Variants in CCDC158 observed in about 807,000 individuals in gnomAD.
The protein encoded by CCDC158 is coiled-coil domain-containing protein 158.
A neutral mutation model predicts 138.6 loss-of-function variants in CCDC158; 116 were observed. The observed-to-expected ratio is 0.84, with a 90% CI of 0.72 to 0.98. CCDC158 has a LOEUF of 0.98. CCDC158 is among the 50% of genes least tolerant of loss of function. CCDC158 has a pLI of 0.00. For missense variants in CCDC158, 1,265 were observed against 1,306.1 expected, an observed-to-expected ratio of 0.97 and a Z score of 0.48; for synonymous variants, 436 against 442.4, an observed-to-expected ratio of 0.99 and a Z score of 0.18.
chr4:76,349,316 T>A (rs946837063), intron 18 of CCDC158, among the ~76,000 whole-genome samples: 1 of 152,208 alleles, frequency 6.6e-6, no homozygotes, highest in Non-Finnish European at 1.5e-5. Flanking sequence ...GTATAAAGCA[T>A]GTCTGACAGT....
At chr4:76,369,007 A>AGGTCATGT (rs1276025313) in intron 11 of CCDC158, among the ~76,000 whole-genome samples, 1 of 152,058 alleles carries the variant, frequency 6.6e-6, no homozygotes, top group African/African-American at 2.4e-5. Flanking sequence ...TGAGGTCATG[A>AGGTCATGT]GATCGAGACC....
At chr4:76,421,708 C>A (rs1299117798), upstream of CCDC158, 3 of 135,320 alleles carry the variant, frequency 2.2e-5, no homozygotes. Context: ...TCCTGGCATT[C>A]CCATTTGACC....
intron 18 of CCDC158, among the ~76,000 whole-genome samples, chr4:76,342,939 T>C (rs1722193493): frequency 6.6e-6 from 1 of 152,194 alleles, no homozygotes; most frequent in African/African-American, 2.4e-5. Flanking sequence ...TGGCTAAGTC[T>C]ATAGGAGAAG....
In CCDC158 at chr4:76,357,530, TAC is replaced by T; in HGVS notation, c.2021-6_2021-5del. Reference sequence around the variant, plus strand: ...CTTTTTAAGACTTCATACTCCTCTATACAATGTGATAATCAATAATAGATGGT... The same window carrying T: ...CTTTTTAAGACTTCATACTCCTCTATAATGTGATAATCAATAATAGATGGT... On this transcript the variant is annotated splice_region_variant and splice_polypyrimidine_tract_variant and intron_variant, in intron 13 of 24. Transcript: ENST00000682701. The T allele has an allele frequency of 4.7e-6, 7 of 1,499,312 alleles. No individual in the cohort carries two copies. Among genetic ancestry groups the T allele is most frequent in the Non-Finnish European group, 6.3e-6 (7 of 1,115,462 alleles). The allele number at this position is 1,499,312 out of a possible 1,614,324, so 92.9% of individuals were successfully genotyped here.
At chr4:76,352,837 G>T (rs1029940033) in intron 16 of CCDC158, 2 of 255,500 alleles carry the variant, frequency 7.8e-6, no homozygotes, top group African/African-American at 2.2e-5. Context: ...ACTTATTCAT[G>T]TCACTATGGA....
At chr4:76,417,588 A>G (rs542037578) in intron 1 of CCDC158, among the ~76,000 whole-genome samples, 1 of 136,920 alleles carries the variant, frequency 7.3e-6, no homozygotes, top group South Asian at 2.1e-4. Flanking sequence ...TGCTGCCGCC[A>G]TGTAAGAAGT....
chr4:76,355,492 G>T, intron 14 of CCDC158, 56 bp from the exon 15 acceptor site: 1 of 1,137,256 alleles, frequency 8.8e-7, no homozygotes, highest in South Asian at 1.2e-5. Context: ...GAGAGACTAT[G>T]GTAATTTGAT....
At chr4:76,366,127 A>G (rs1383812054) in intron 12 of CCDC158, among the ~76,000 whole-genome samples, 1 of 152,214 alleles carries the variant, frequency 6.6e-6, no homozygotes, top group East Asian at 1.9e-4. Flanking sequence ...AGCAAGGTAG[A>G]ACAACCATCC....
intron 2 of CCDC158, among the ~76,000 whole-genome samples, chr4:76,409,941 C>T (rs1384754673): frequency 3.3e-5 from 5 of 151,554 alleles, no homozygotes; most frequent in South Asian, 4.2e-4. Flanking sequence ...AACCACAGAC[C>T]ACAAAGAGGG....
intron 12 of CCDC158, among the ~76,000 whole-genome samples, chr4:76,366,984 G>A (rs960063169): frequency 2.4e-4 from 37 of 152,036 alleles, no homozygotes; most frequent in Non-Finnish European, 1.8e-4. Flanking sequence ...AGTGAGAGAC[G>A]GGGTTCAAAT....
intron 12 of CCDC158, among the ~76,000 whole-genome samples, chr4:76,365,201 C>T (rs1724537072): frequency 1.3e-5 from 2 of 152,232 alleles, no homozygotes; most frequent in African/African-American, 4.8e-5. Context: ...TGCTTCTCTG[C>T]TGTCAATGTG....
intron 24 of CCDC158, 33 bp from the exon 25 acceptor site, chr4:76,313,279 A>AT: frequency 7.4e-7 from 1 of 1,345,506 alleles, no homozygotes; most frequent in African/African-American, 1.4e-5. Flanking sequence ...TAGAATAACA[A>AT]AATCTACTTA....
chr4:76,350,204 G>A (rs956526319), intron 18 of CCDC158, among the ~76,000 whole-genome samples: 1 of 152,108 alleles, frequency 6.6e-6, no homozygotes, highest in Non-Finnish European at 1.5e-5. Flanking sequence ...TTATTCTATT[G>A]TTTGATAGAC....
At chr4:76,357,266 T>C in intron 14 of CCDC158, 108 bp downstream of exon 14, 1 of 625,362 alleles carries the variant, frequency 1.6e-6, no homozygotes, top group Non-Finnish European at 2.6e-6. Flanking sequence ...CTTACATCAT[T>C]TAGCACTGTG....
At chr4:76,420,237 C>G (rs1730006368) in intron 1 of CCDC158, among the ~76,000 whole-genome samples, 1 of 151,974 alleles carries the variant, frequency 6.6e-6, no homozygotes, top group Admixed American at 6.6e-5. Context: ...TGTGGAAGCC[C>G]TGGTCCTTTC....
At chr4:76,413,238 C>T (rs1362920438) in intron 1 of CCDC158, among the ~76,000 whole-genome samples, 5 of 151,362 alleles carry the variant, frequency 3.3e-5, no homozygotes, top group Admixed American at 3.3e-4. Context: ...CTTTGGGAGG[C>T]CAAGGAGGGA....
intron 22 of CCDC158, among the ~76,000 whole-genome samples, 167 bp from the exon 23 acceptor site, chr4:76,326,182 G>A (rs115075038): frequency 2.1e-3 from 324 of 152,250 alleles, no homozygotes; most frequent in African/African-American, 7.5e-3. Context: ...AAAGGGTTAC[G>A]CCTTGGGAAT....
At chr4:76,322,129 C>T (rs1720078689) in intron 24 of CCDC158, among the ~76,000 whole-genome samples, 1 of 151,690 alleles carries the variant, frequency 6.6e-6, no homozygotes, top group Non-Finnish European at 1.5e-5. Context: ...CATGTTCCCC[C>T]CAAACTATTG....
intron 4 of CCDC158, among the ~76,000 whole-genome samples, chr4:76,390,593 A>G (rs1316099512): frequency 6.6e-6 from 1 of 152,064 alleles, no homozygotes; most frequent in Non-Finnish European, 1.5e-5. Context: ...ACAACCAGAA[A>G]ACAAATAACA....
Sources: allele counts gnomAD v4.1 joint callset (sites outside exome capture counted in the v4.1 genomes callset), GRCh38; gene constraint gnomAD v4.1.1; transcripts MANE v1.5; gene names NCBI Gene and HGNC (gene_info 2026-07-23, HGNC 2026-07-21).